The following GPHN variants were observed in gnomAD, a reference collection of about 807,000 sequenced individuals.
GPHN encodes gephyrin.
GPHN carries 17 observed loss-of-function variants against 95.5 expected under a neutral mutation model. That is an observed-to-expected ratio of 0.18 (90% CI 0.12 to 0.27). The LOEUF (loss-of-function observed/expected upper bound fraction) is 0.27, where lower values mean the gene tolerates loss of function less well. Ranked by LOEUF, GPHN falls within the 10% of genes least tolerant of loss-of-function variation. The pLI is 1.00. For synonymous variants in GPHN, 320 were observed against 322.5 expected (o/e 0.99, Z 0.08); for missense variants, 660 against 978.1 (o/e 0.67, Z 4.34).
intron 8 of GPHN, among the ~76,000 whole-genome samples, chr14:66,954,510 A>G (rs2153580811): frequency 6.6e-6 from 1 of 152,284 alleles, no homozygotes; most frequent in Non-Finnish European, 1.5e-5. Context: ...TTTGTTTATT[A>G]GCTCTACTTG....
rs35393713 is a variant in GPHN at position 67,115,734 on chromosome 14, C to CA, written c.1626+2577dup. 7.0e-3 allele frequency among the ~76,000 whole-genome samples: 869 copies of CA among 123,844 alleles called. 3 individuals are homozygous for CA. The highest frequency in any genetic ancestry group is 0.011 in the South Asian group (42 of 3,858). 81.2% of individuals were successfully genotyped at this position (123,844 alleles called of 152,430 possible). ...TGGGTGAGAGAGAGAGACTCCATCT[C>CA]AAAAAAAAAAAAAAGATATATATGG... On this transcript the variant is annotated intron_variant, in intron 16 of 22. Coordinates refer to ENST00000478722, the MANE Select transcript of GPHN (RefSeq NM_020806.5).
At chr14:67,541,817 T>C in the GPHN span, 1 of 1,499,022 alleles carries the variant, frequency 6.7e-7, no homozygotes, top group Non-Finnish European at 8.9e-7. Flanking sequence ...TTCCTCTTTC[T>C]GCATGCTGGT....
rs547032585 is a variant in GPHN, at chr14:66,572,652, T to C, written c.64+64061T>C. ...TACTGAATCTTTGGTTAGTTTTAAC[T>C]TTTTTTTTTGTAGAGTTTAGGGTTT... On this transcript the variant is annotated intron_variant, in intron 1 of 22. Transcript: ENST00000478722. Among the ~76,000 whole-genome samples, 5 of 135,210 alleles carry C rather than the reference T, an allele frequency of 3.7e-5. No homozygotes were observed. The East Asian group carries it at 9.9e-4, about 27-fold the overall frequency. 88.7% of individuals were successfully genotyped at this position (135,210 alleles called of 152,430 possible).
At chr14:67,726,431 C>T in the GPHN span, among the ~76,000 whole-genome samples, 2 of 152,188 alleles carry the variant, frequency 1.3e-5, no homozygotes, top group African/African-American at 4.8e-5. Context: ...CAAGGCTTGC[C>T]AGGCAGGGCC....
chr14:66,551,436 A>T (rs1339001973), intron 1 of GPHN, among the ~76,000 whole-genome samples: 1 of 152,120 alleles, frequency 6.6e-6, no homozygotes, highest in Non-Finnish European at 1.5e-5. Context: ...TCCTTAGCCC[A>T]TTTTACTCTA....
rs556270320 is a variant in GPHN, at chr14:66,625,862, G to A, written c.65-55245G>A. Among the ~76,000 whole-genome samples the A allele has an allele frequency of 2.2e-4, 34 of 152,266 alleles. 1 individual carries two copies. Among genetic ancestry groups the A allele is most frequent in the Admixed American group, 1.0e-3 (16 of 15,300 alleles). On this transcript the variant is annotated intron_variant, in intron 1 of 22. Coordinates refer to ENST00000478722, the MANE Select transcript of GPHN (RefSeq NM_020806.5). ...TATGCAGATTTATATTTAATAGGGA[G>A]GCAATAAATATGAGTTGGCTTTTCT...
chr14:67,536,760 G>C, the GPHN span, among the ~76,000 whole-genome samples: 6 of 151,764 alleles, frequency 4.0e-5, no homozygotes, highest in African/African-American at 1.2e-4. Flanking sequence ...CTTAATCTTG[G>C]GGTCGGGAGT....
the GPHN span, among the ~76,000 whole-genome samples, chr14:67,486,188 C>G: frequency 9.1e-4 from 139 of 152,320 alleles, 1 homozygote; most frequent in Non-Finnish European, 1.7e-3. Flanking sequence ...GTGGGAGGAA[C>G]TGGGTGGGAG....
At chr14:67,124,032 A>C (rs1182398749) in intron 17 of GPHN, among the ~76,000 whole-genome samples, 1 of 151,970 alleles carries the variant, frequency 6.6e-6, no homozygotes, top group Non-Finnish European at 1.5e-5. Flanking sequence ...CTCTGAGGAC[A>C]CTGGAGTGGA....
chr14:67,281,750 G>A, the GPHN span, among the ~76,000 whole-genome samples: 1 of 151,898 alleles, frequency 6.6e-6, no homozygotes. Flanking sequence ...GAGAACAGTT[G>A]TGAGTTTATG....
intron 4 of GPHN, among the ~76,000 whole-genome samples, chr14:66,864,216 A>G (rs1390920542): frequency 6.6e-6 from 1 of 152,156 alleles, no homozygotes; most frequent in Non-Finnish European, 1.5e-5. Context: ...ATGAAAAGAT[A>G]CTCAGCATCA....
At chr14:66,800,731 T>C (rs1424307096) in intron 3 of GPHN, among the ~76,000 whole-genome samples, 1 of 152,208 alleles carries the variant, frequency 6.6e-6, no homozygotes, top group Non-Finnish European at 1.5e-5. Flanking sequence ...GCTATTGATA[T>C]CTTTCTCTAG....
chr14:67,198,426 T>G, the GPHN span: 2 of 1,030,928 alleles, frequency 1.9e-6, no homozygotes, highest in Non-Finnish European at 2.9e-6. Context: ...GCCGAGGGAA[T>G]GTGTGATACT....
chr14:66,702,490 T>C (rs1218204840), intron 2 of GPHN, among the ~76,000 whole-genome samples: 5 of 152,228 alleles, frequency 3.3e-5, no homozygotes, highest in African/African-American at 1.2e-4. Context: ...CATCTCCAGA[T>C]GTGAGAGCGA....
intron 5 of GPHN, among the ~76,000 whole-genome samples, chr14:66,893,414 T>C (rs1212645295): frequency 6.6e-6 from 1 of 152,166 alleles, no homozygotes; most frequent in Non-Finnish European, 1.5e-5. Context: ...TCATACTGAA[T>C]GGGCAAAAAC....
chr14:67,469,013 A>G, the GPHN span, among the ~76,000 whole-genome samples: 20 of 152,072 alleles, frequency 1.3e-4, no homozygotes, highest in Middle Eastern at 0.017. Context: ...ACCCTGTTTC[A>G]TTTTGCTTGC....
the GPHN span, among the ~76,000 whole-genome samples, chr14:67,396,835 A>T: frequency 1.3e-5 from 2 of 152,258 alleles, no homozygotes; most frequent in Admixed American, 1.3e-4. Context: ...TCCCAATAAA[A>T]TCAGCAACTC....
At chr14:67,707,111 G>T in the GPHN span, among the ~76,000 whole-genome samples, 1 of 152,162 alleles carries the variant, frequency 6.6e-6, no homozygotes, top group African/African-American at 2.4e-5. Flanking sequence ...TCTAGCTTCA[G>T]TTTGCAGAGC....
At chr14:67,681,190 C>T in the GPHN span, among the ~76,000 whole-genome samples, 1 of 152,186 alleles carries the variant, frequency 6.6e-6, no homozygotes, top group Non-Finnish European at 1.5e-5. Flanking sequence ...GAGGAAAGGC[C>T]ATGCGAGGGC....
Sources: gnomAD v4.1 joint callset for allele counts (sites outside exome capture counted in the v4.1 genomes callset) on GRCh38, gnomAD v4.1.1 for gene constraint, MANE v1.5 for transcripts, NCBI Gene and HGNC (gene_info 2026-07-23, HGNC 2026-07-21) for gene names.